KANK3: variants seen among roughly 807,000 people sequenced by gnomAD.
KANK3 encodes the protein KN motif and ankyrin repeat domain-containing protein 3.
Under a neutral mutation model 65.4 loss-of-function variants are expected in KANK3, and 61 were observed. The ratio of observed to expected loss-of-function variants is 0.93; its 90% CI spans 0.76 to 1.15. The LOEUF (loss-of-function observed/expected upper bound fraction) is 1.15. Among genes scored for constraint, KANK3 ranks in the 50% most tolerant of loss-of-function variants. The pLI is 0.00. For missense variants in KANK3, 1,187 were observed against 1,178.8 expected (o/e 1.01, Z -0.10); for synonymous variants, 586 against 543.3 (o/e 1.08, Z -1.09).
In KANK3 at chr19:8,339,361, G is replaced by T. The variant is rs116251232; in HGVS notation, c.-28-1505C>A. On this transcript the variant is annotated intron_variant, in intron 1 of 10. Coordinates refer to ENST00000330915, the MANE Select transcript of KANK3 (RefSeq NM_198471.3). ...ACATAGCGAGACCCTATCTCTTTTTGTTTTTTTTTTTTTTTGAGACAGAAT... is the reference window on the plus strand; with the variant it reads ...ACATAGCGAGACCCTATCTCTTTTTTTTTTTTTTTTTTTTTGAGACAGAAT... Among the ~76,000 whole-genome samples, 50 of 138,920 alleles carry T rather than the reference G, an allele frequency of 3.6e-4. 1 individual carries two copies. The highest frequency in any genetic ancestry group is 1.5e-3 in the Admixed American group (20 of 13,396). The allele number at this position is 138,920 out of a possible 152,430, so 91.1% of individuals were successfully genotyped here. A position where few individuals can be genotyped will look rare whatever the true frequency, so the allele number is the denominator to read the frequency against.
chr19:8,334,732 C>G lies in KANK3; in HGVS notation c.1095G>C (p.Gln365His). The G allele has an allele frequency of 1.3e-6, 2 of 1,530,072 alleles. No individual in the cohort carries two copies. Among genetic ancestry groups the G allele is most frequent in the Non-Finnish European group, 1.7e-6 (2 of 1,145,266 alleles). 94.8% of individuals were successfully genotyped at this position (1,530,072 alleles called of 1,614,324 possible). Reference protein sequence around the residue: ...LELLRASLEHQRGVSELLRGR... With the variant: ...LELLRASLEHHRGVSELLRGR... ...CCCGCAGAAGCTCACTCACCCCGCG[C>G]TGGTGCTCCAGACTGGCGCGCAGCA... Residue 365 changes from glutamine (Q) to histidine (H), a missense_variant, in exon 3 of 11, where the codon CAG becomes CAC. Physicochemically the swap from Gln to His is conservative, Grantham distance 24. Coordinates refer to ENST00000330915, the MANE Select transcript of KANK3 (RefSeq NM_198471.3).
intron 7 of KANK3, among the ~76,000 whole-genome samples, chr19:8,330,503 C>T (rs185381497): frequency 4.3e-4 from 65 of 151,822 alleles, no homozygotes; most frequent in Non-Finnish European, 7.4e-4. Context: ...CTGAGGCAGG[C>T]GGATTACCTG....
chr19:8,327,949 C>G (rs1021917391), intron 7 of KANK3, among the ~76,000 whole-genome samples: 9 of 152,160 alleles, frequency 5.9e-5, no homozygotes, highest in Admixed American at 5.9e-4. Flanking sequence ...CTCCCTCTCC[C>G]TTTTCTCTTG....
intron 2 of KANK3, among the ~76,000 whole-genome samples, chr19:8,336,363 G>A (rs888690287): frequency 6.6e-6 from 1 of 151,556 alleles, no homozygotes; most frequent in African/African-American, 2.4e-5. Context: ...CTTGATCCTG[G>A]TAGGCGGAGT....
intron 1 of KANK3, among the ~76,000 whole-genome samples, chr19:8,339,381 CAG>C (rs1366253740): frequency 2.3e-5 from 3 of 132,070 alleles, no homozygotes; most frequent in African/African-American, 8.7e-5. Flanking sequence ...TTTTTTGAGA[CAG>C]AATTTCCCTC....
chr19:8,334,786 C>T lies in KANK3; in HGVS notation c.1041G>A (p.Leu347=). The change falls in exon 3 of 11, where the codon CTG becomes CTA. Residue 347 remains leucine (L), a synonymous_variant. Transcript: ENST00000330915. ...DAWVTEALLG[L]PAAAERELEL... ...CTAGCTCGCGCTCGGCGGCCGCAGG[C>T]AGCCCCAGCAGCGCCTCGGTCACCC... 6.7e-7 allele frequency: 1 copy of T among 1,497,550 alleles called. No individual in the cohort carries two copies. Among genetic ancestry groups the T allele is most frequent in the Non-Finnish European group, 8.8e-7 (1 of 1,132,334 alleles). 92.8% of individuals were successfully genotyped at this position (1,497,550 alleles called of 1,614,324 possible). A position where few individuals can be genotyped will look rare whatever the true frequency, so the allele number is the denominator to read the frequency against.
Position 8,334,997 on chromosome 19 carries a change from G to A in KANK3, c.830C>T (p.Ala277Val), listed in dbSNP as rs1174581428. The change falls in exon 3 of 11, where the codon GCA becomes GTA. Residue 277 changes from alanine (A) to valine (V), a missense_variant. By Grantham distance (64) the Ala-to-Val change is moderately conservative (BLOSUM62 0). This residue lies in a region of KANK3 where 1,078 missense variants were observed against 1,038.2 expected (regional missense o/e 1.04). Coordinates refer to ENST00000330915, the MANE Select transcript of KANK3 (RefSeq NM_198471.3). ...CTGGAGCGCGCCCTCGCTGCGCCCT[G>A]CAGCCAGGCCGTCTGGGCTGTCAGC... Reference protein sequence around the residue: ...PRADSPDGLAAGRSEGALQVL... With the variant: ...PRADSPDGLAVGRSEGALQVL... 2 of 1,484,358 alleles carry A rather than the reference G, an allele frequency of 1.3e-6. No individual in the cohort carries two copies. Among genetic ancestry groups the A allele is most frequent in the East Asian group, 5.8e-5 (2 of 34,320 alleles). 91.9% of individuals were successfully genotyped at this position (1,484,358 alleles called of 1,614,324 possible). A position where few individuals can be genotyped will look rare whatever the true frequency, so the allele number is the denominator to read the frequency against.
chr19:8,332,832 A>G, intron 7 of KANK3, 182 bp downstream of exon 7: 1 of 318,894 alleles, frequency 3.1e-6, no homozygotes, highest in South Asian at 1.5e-4. Context: ...AAAATAAAAT[A>G]AAATAAAATA....
At chr19:8,337,234 C>T (rs899500387) in intron 2 of KANK3, among the ~76,000 whole-genome samples, 1 of 128,094 alleles carries the variant, frequency 7.8e-6, no homozygotes, top group African/African-American at 2.9e-5. Context: ...GACGCAGTCT[C>T]GCTCTGTCGC....
At chr19:8,337,759 G>GCA (rs371774392) in intron 2 of KANK3, 36 bp downstream of exon 2, 49 of 1,591,568 alleles carry the variant, frequency 3.1e-5, no homozygotes, top group South Asian at 1.1e-4. Context: ...CTGTGCATGC[G>GCA]CACACACACA....
chr19:8,334,216 CTG>C (rs1424173778), intron 4 of KANK3, 100 bp from the exon 5 acceptor site: 11 of 1,530,552 alleles, frequency 7.2e-6, no homozygotes, highest in Middle Eastern at 3.9e-4. Context: ...GATGAGGAAA[CTG>C]AGGATTGCCC....
At chr19:8,340,275 C>CGTATATAG (rs780229218) in intron 1 of KANK3, among the ~76,000 whole-genome samples, 1 of 66,104 alleles carries the variant, frequency 1.5e-5, no homozygotes, top group Non-Finnish European at 2.8e-5. Flanking sequence ...AAAAAAAAAC[C>CGTATATAG]ATATATATAT....
rs1466624754 is a variant in KANK3, at chr19:8,334,564, C to A, written c.1263G>T (p.Ala421=). Residue 421 remains alanine, a synonymous_variant, in exon 3 of 11, where the codon GCG becomes GCT. Transcript: ENST00000330915. ...KAAQTESPAE[A]PSLTQESSPG... is the part of the protein sequence containing the mutation. ...GCGAGCTCTCCTGAGTCAAGGAGGG[C>A]GCCTCTGCCGGGGACTCGGTCTGCG... The A allele has an allele frequency of 1.2e-5, 19 of 1,598,716 alleles. No individual in the cohort carries two copies. Among genetic ancestry groups the A allele is most frequent in the Non-Finnish European group, 1.5e-5 (18 of 1,178,698 alleles).
Position 8,333,063 on chromosome 19 carries a change from G to A in KANK3, c.1887C>T (p.Tyr629=). 7.0e-7 allele frequency: 1 copy of A among 1,429,964 alleles called. No homozygotes were observed. The highest frequency in any genetic ancestry group is 9.4e-7 in the Non-Finnish European group (1 of 1,068,022). 88.6% of individuals were successfully genotyped at this position (1,429,964 alleles called of 1,614,324 possible). A position where few individuals can be genotyped will look rare whatever the true frequency, so the allele number is the denominator to read the frequency against. ...ADGNGNTALH[Y]SVSHGNLAIA... ...TGGCCAGGTTCCCGTGGGACACACT[G>A]TAGTGCAGGGCCGTGTTCCCGTTGC... is the stretch of plus-strand genomic sequence containing the variant. The change falls in exon 7 of 11, where the codon TAC becomes TAT. Residue 629 remains tyrosine, a synonymous_variant. Transcript: ENST00000330915. This position sits in a 1 kb window ranked among gnomAD's most constrained non-coding sequence, Gnocchi z 5.0.
intron 7 of KANK3, 96 bp downstream of exon 7, chr19:8,332,918 C>G: frequency 1.0e-6 from 1 of 967,596 alleles, no homozygotes; most frequent in Non-Finnish European, 1.6e-6. Flanking sequence ...CAGCCATTCT[C>G]TGCTTTCCTC....
intron 10 of KANK3, 108 bp downstream of exon 10, chr19:8,324,341 C>T: frequency 4.0e-6 from 4 of 1,011,210 alleles, no homozygotes; most frequent in Non-Finnish European, 5.9e-6. Flanking sequence ...TTCTGCACCC[C>T]TGGTGCCACC....
intron 2 of KANK3, 22 bp from the exon 3 acceptor site, chr19:8,335,814 G>C (rs1318193296): frequency 8.2e-7 from 1 of 1,226,312 alleles, no homozygotes; most frequent in South Asian, 4.1e-5. Flanking sequence ...ACGGGGGCAC[G>C]GGGAGGGCGC....
intron 1 of KANK3, among the ~76,000 whole-genome samples, chr19:8,341,599 C>T (rs1205397229): frequency 2.6e-5 from 4 of 152,142 alleles, no homozygotes; most frequent in African/African-American, 4.8e-5. Flanking sequence ...TTAGTAGAGA[C>T]GGAGTTTCAC....
Position 8,335,754 on chromosome 19 carries a change from C to T in KANK3, c.73G>A (p.Gly25Arg), listed in dbSNP as rs936482125. ...GPRLCPVPAAGGARSPSSPYS... is the reference protein window; with the variant it reads ...GPRLCPVPAARGARSPSSPYS... ...GGCGAGCTCGGGCTGCGTGCGCCCC[C>T]GGCGGCGGGGACCGGGCACAGGCGG... Residue 25 changes from glycine (G) to arginine (R), a missense_variant, in exon 3 of 11, where the codon GGG becomes AGG. This residue lies in a region of KANK3 where 104 missense variants were observed against 122.1 expected (regional missense o/e 0.85). Coordinates refer to ENST00000330915, the MANE Select transcript of KANK3 (RefSeq NM_198471.3). The T allele has an allele frequency of 1.9e-5, 24 of 1,243,960 alleles. No individual in the cohort carries two copies. The highest frequency in any genetic ancestry group is 2.5e-4 in the Middle Eastern group (1 of 4,078). The allele number at this position is 1,243,960 out of a possible 1,614,324, so 77.1% of individuals were successfully genotyped here.
Sources: allele counts gnomAD v4.1 joint callset (sites outside exome capture counted in the v4.1 genomes callset), GRCh38; gene constraint gnomAD v4.1.1; regional missense constraint gnomAD v4.1.1; non-coding constraint Gnocchi (gnomAD v3.1); transcripts MANE v1.5; gene names NCBI Gene and HGNC (gene_info 2026-07-23, HGNC 2026-07-21).